CACNA1E: variants seen among roughly 807,000 people sequenced by gnomAD.
The protein encoded by CACNA1E is voltage-dependent R-type calcium channel subunit alpha-1E.
A neutral mutation model predicts 259.2 loss-of-function variants in CACNA1E; 40 were observed. That is an observed-to-expected ratio of 0.15 (90% CI 0.12 to 0.20). CACNA1E has a LOEUF of 0.20. Ranked by LOEUF, CACNA1E falls within the 10% of genes least tolerant of loss-of-function variation. The pLI, the probability that CACNA1E is intolerant of heterozygous loss-of-function variation, is 1.00. For missense variants in CACNA1E, 1,874 were observed against 3,040.1 expected (o/e 0.62, Z 9.02); for synonymous variants, 1,104 against 1,138.5 (o/e 0.97, Z 0.61).
intron 3 of CACNA1E, among the ~76,000 whole-genome samples, chr1:181,525,194 A>G (rs753313314): frequency 1.3e-5 from 2 of 152,236 alleles, no homozygotes; most frequent in African/African-American, 2.4e-5. Context: ...TCAGCTTTCT[A>G]TCTGTCCATC....
intron 3 of CACNA1E, among the ~76,000 whole-genome samples, chr1:181,564,873 A>C (rs1649666104): frequency 6.9e-6 from 1 of 145,602 alleles, no homozygotes. Flanking sequence ...GAGCTGTAAT[A>C]TTTTGAAAGG....
At chr1:181,425,204 T>C (rs962222291) in intron 2 of CACNA1E, among the ~76,000 whole-genome samples, 3 of 152,054 alleles carry the variant, frequency 2.0e-5, no homozygotes, top group African/African-American at 7.2e-5. Context: ...GGCAGCCTGG[T>C]GGTCAGCACT....
At chr1:181,436,476 G>C (rs1162293247) in intron 2 of CACNA1E, among the ~76,000 whole-genome samples, 1 of 152,144 alleles carries the variant, frequency 6.6e-6, no homozygotes, top group African/African-American at 2.4e-5. Context: ...GTCTATCAAT[G>C]GGTTAATGGA....
intron 1 of CACNA1E, among the ~76,000 whole-genome samples, chr1:181,333,641 T>G (rs147043121): frequency 5.9e-4 from 90 of 152,272 alleles, no homozygotes; most frequent in African/African-American, 2.1e-3. Flanking sequence ...CCATCATTCC[T>G]TCTTCATTTC....
At chr1:181,490,739 A>G (rs1322812652) in intron 1 of CACNA1E, among the ~76,000 whole-genome samples, 1 of 152,192 alleles carries the variant, frequency 6.6e-6, no homozygotes, top group Non-Finnish European at 1.5e-5. Flanking sequence ...TGAGCTTTCC[A>G]AAGACTTGTG....
chr1:181,484,459 G>T (rs1455816471), intron 1 of CACNA1E, among the ~76,000 whole-genome samples: 1 of 152,222 alleles, frequency 6.6e-6, no homozygotes. Flanking sequence ...CTGTAGGGAA[G>T]TCAAGGCTCC....
Position 181,717,286 on chromosome 1 carries a change from G to C in CACNA1E, c.1509G>C (p.Trp503Cys). ...TTGTCCATCACAACCAGCCCCAGTG[G>C]CTCACCCACCTCCTCTGTAAGTAAA... is the stretch of plus-strand genomic sequence containing the variant. The part of the protein sequence containing the change: ...VAIVHHNQPQ[W>C]LTHLLYYAEF... Residue 503 changes from tryptophan (W) to cysteine (C), a missense_variant, in exon 11 of 48, where the codon TGG (tryptophan) becomes TGC (cysteine). Trp to Cys is a radical substitution (Grantham distance 215). Transcript: ENST00000367573. 6.2e-7 allele frequency: 1 copy of C among 1,613,438 alleles called. No individual in the cohort carries two copies. The highest frequency in any genetic ancestry group is 8.5e-7 in the Non-Finnish European group (1 of 1,179,714).
chr1:181,497,356 G>A (rs1664848576), intron 1 of CACNA1E, among the ~76,000 whole-genome samples: 1 of 152,124 alleles, frequency 6.6e-6, no homozygotes, highest in African/African-American at 2.4e-5. Flanking sequence ...AAAAAGGCTG[G>A]GTGCAGAACA....
At chr1:181,345,662 A>G (rs192016001) in intron 1 of CACNA1E, among the ~76,000 whole-genome samples, 46 of 152,306 alleles carry the variant, frequency 3.0e-4, no homozygotes, top group Non-Finnish European at 5.1e-4. Context: ...GGGCTCATCG[A>G]GGACTGGAAG....
At chr1:181,378,306 A>G (rs1052496042) in intron 1 of CACNA1E, among the ~76,000 whole-genome samples, 7 of 152,272 alleles carry the variant, frequency 4.6e-5, no homozygotes, top group African/African-American at 9.6e-5. Context: ...AGTTTGCAAG[A>G]TCTTGAACAT....
intron 2 of CACNA1E, among the ~76,000 whole-genome samples, chr1:181,442,549 C>G (rs1383082701): frequency 6.6e-6 from 1 of 152,144 alleles, no homozygotes; most frequent in Admixed American, 6.5e-5. Context: ...CCAGCTGTTA[C>G]AAAGTGCCTT....
chr1:181,720,377 A>C (rs1572696928), intron 14 of CACNA1E, 40 bp downstream of exon 14: 1 of 1,594,568 alleles, frequency 6.3e-7, no homozygotes, highest in Non-Finnish European at 8.5e-7. Context: ...GAGGCTCAAA[A>C]CCCAGTCGTA....
intron 6 of CACNA1E, among the ~76,000 whole-genome samples, chr1:181,594,983 T>C (rs564249551): frequency 6.6e-6 from 1 of 152,352 alleles, no homozygotes; most frequent in East Asian, 1.9e-4. Context: ...TTTTCACGTA[T>C]CATTTTTAAA....
At position 181,499,634 on chromosome 1, in the gene CACNA1E, G is replaced by T. The variant is rs919459504; in HGVS notation, c.267-10843G>T. Among the ~76,000 whole-genome samples the T allele has an allele frequency of 3.3e-5, 5 of 152,252 alleles. No homozygotes were observed. In the East Asian group the frequency reaches 7.7e-4, roughly 23 times the overall value. ...TTGGAGGACACGATTAACTTTCTTGGTCTCCAGCATTCGAAGCCTGGCTGC... is the reference window on the plus strand; with the variant it reads ...TTGGAGGACACGATTAACTTTCTTGTTCTCCAGCATTCGAAGCCTGGCTGC... On this transcript the variant is annotated intron_variant, in intron 1 of 47. Transcript: ENST00000367573.
chr1:181,627,406 T>C (rs977279497), intron 6 of CACNA1E, among the ~76,000 whole-genome samples: 1 of 152,182 alleles, frequency 6.6e-6, no homozygotes, highest in African/African-American at 2.4e-5. Context: ...CTGGAAAATG[T>C]AATGCATTAT....
intron 7 of CACNA1E, among the ~76,000 whole-genome samples, chr1:181,685,045 G>A (rs1057340341): frequency 1.3e-5 from 2 of 151,966 alleles, no homozygotes; most frequent in African/African-American, 4.8e-5. Flanking sequence ...TTTTCAAACT[G>A]TAAAGTGGCT....
chr1:181,521,233 A>G (rs1184600722), intron 3 of CACNA1E, among the ~76,000 whole-genome samples: 1 of 152,108 alleles, frequency 6.6e-6, no homozygotes, highest in African/African-American at 2.4e-5. Context: ...AACAATTTAC[A>G]TCACTGTGGG....
chr1:181,513,385 T>C (rs1666306617), intron 3 of CACNA1E, among the ~76,000 whole-genome samples: 1 of 152,262 alleles, frequency 6.6e-6, no homozygotes, highest in Admixed American at 6.5e-5. Context: ...AAATCTGTAA[T>C]GACTGATCAG....
intron 1 of CACNA1E, among the ~76,000 whole-genome samples, chr1:181,338,757 C>A (rs1226554778): frequency 6.6e-6 from 1 of 151,984 alleles, no homozygotes; most frequent in Non-Finnish European, 1.5e-5. Context: ...AGAGCTTTTC[C>A]CTTATTTCTT....
Sources: gnomAD v4.1 joint callset for allele counts (sites outside exome capture counted in the v4.1 genomes callset) on GRCh38, gnomAD v4.1.1 for gene constraint, MANE v1.5 for transcripts, NCBI Gene and HGNC (gene_info 2026-07-23, HGNC 2026-07-21) for gene names.